SBNO1: variants seen among roughly 807,000 people sequenced by gnomAD.
SBNO1 encodes the protein strawberry notch homolog 1.
In SBNO1, 23 loss-of-function variants were observed where a neutral mutation model predicts 173.6. The ratio of observed to expected loss-of-function variants is 0.13; its 90% CI spans 0.10 to 0.19. The LOEUF is 0.19. SBNO1 is among the 10% of genes least tolerant of loss of function. The pLI is 1.00. For missense variants in SBNO1, 1,238 were observed against 1,671.2 expected (o/e 0.74, Z 4.52); for synonymous variants, 632 against 571.5 (o/e 1.11, Z -1.51).
chr12:123,306,173 T>G (rs1235540822), intron 28 of SBNO1, among the ~76,000 whole-genome samples: 1 of 152,204 alleles, frequency 6.6e-6, no homozygotes, highest in Non-Finnish European at 1.5e-5. Context: ...TATTTAAAAT[T>G]ATTTATCAGC....
At chr12:123,361,660 G>A (rs1488729472) in intron 1 of SBNO1, among the ~76,000 whole-genome samples, 2 of 150,694 alleles carry the variant, frequency 1.3e-5, no homozygotes, top group African/African-American at 4.9e-5. Flanking sequence ...CTTGAACCAA[G>A]GAGCGGGAGG....
intron 31 of SBNO1, among the ~76,000 whole-genome samples, chr12:123,296,577 T>C (rs1255820428): frequency 2.6e-5 from 4 of 151,946 alleles, no homozygotes; most frequent in Non-Finnish European, 4.4e-5. Flanking sequence ...GTTTTTTTTT[T>C]CTGAGATGGA....
chr12:123,339,487 A>G (rs1221244031), intron 5 of SBNO1, among the ~76,000 whole-genome samples: 1 of 152,060 alleles, frequency 6.6e-6, no homozygotes, highest in East Asian at 1.9e-4. Flanking sequence ...GTGCTAGACT[A>G]AGTCCAAAGT....
intron 1 of SBNO1, chr12:123,363,859 T>C: frequency 2.0e-6 from 2 of 985,576 alleles, no homozygotes; most frequent in Non-Finnish European, 2.4e-6. Flanking sequence ...AGGAGCTGGA[T>C]GCCAGGGTCA....
chr12:123,327,560 T>C lies in SBNO1; in HGVS notation c.1558A>G (p.Ile520Val). The C allele has an allele frequency of 3.1e-6, 5 of 1,613,840 alleles. No homozygotes were observed. Among genetic ancestry groups the C allele is most frequent in the Non-Finnish European group, 4.2e-6 (5 of 1,179,832 alleles). ...CTAAGCTTCATATCCATAGCAACTA[T>C]TTCCATGGCACCAACTCCTCTGAAT... ...VERRGVGAME[I>V]VAMDMKLRGM... The change falls in exon 13 of 32, where the codon ATA (isoleucine) becomes GTA (valine). Residue 520 changes from isoleucine (I) to valine (V), a missense_variant. Physicochemically the swap from Ile to Val is conservative, Grantham distance 29. Coordinates refer to ENST00000602398, the MANE Select transcript of SBNO1 (RefSeq NM_001167856.3).
intron 12 of SBNO1, 23 bp downstream of exon 12, chr12:123,327,684 G>GTA (rs1414343261): frequency 3.1e-6 from 5 of 1,589,030 alleles, no homozygotes; most frequent in Non-Finnish European, 4.3e-6. Flanking sequence ...ACTGAGAAGA[G>GTA]TATATACCGT....
intron 30 of SBNO1, among the ~76,000 whole-genome samples, chr12:123,300,517 C>T (rs1452407848): frequency 2.0e-5 from 3 of 151,826 alleles, no homozygotes; most frequent in South Asian, 2.1e-4. Flanking sequence ...ATTAGCCGGG[C>T]GTGGTTGGCG....
intron 1 of SBNO1, among the ~76,000 whole-genome samples, chr12:123,354,235 T>C (rs903782293): frequency 6.6e-6 from 1 of 152,196 alleles, no homozygotes; most frequent in Non-Finnish European, 1.5e-5. Context: ...CAATGTATAC[T>C]TGTATATACC....
At position 123,304,657 on chromosome 12, in the gene SBNO1, G is replaced by A; in HGVS notation, c.3693C>T (p.Phe1231=). The change falls in exon 29 of 32, where the codon TTC becomes TTT. Residue 1231 remains phenylalanine (F), a synonymous_variant. Coordinates refer to ENST00000602398, the MANE Select transcript of SBNO1 (RefSeq NM_001167856.3). ...TCCCAGTATTTGGTCGATAAACTAA[G>A]AAAAGTTTCTTTTTAGGATTCACTT... is the stretch of plus-strand genomic sequence containing the variant. ...VKEVNPKKKL[F]LVYRPNTGKQ... is the part of the protein sequence containing the mutation. 2 of 1,570,866 alleles carry A rather than the reference G, an allele frequency of 1.3e-6. No individual in the cohort carries two copies. Among genetic ancestry groups the A allele is most frequent in the Non-Finnish European group, 1.8e-6 (2 of 1,142,584 alleles).
In SBNO1 at chr12:123,313,209, T is replaced by G. The variant is rs1236111563; in HGVS notation, c.3220+411A>C. Among the ~76,000 whole-genome samples the G allele has an allele frequency of 5.1e-5, 5 of 97,562 alleles. No homozygotes were observed. In the East Asian group the frequency reaches 1.6e-3, roughly 31 times the overall value. The allele number at this position is 97,562 out of a possible 152,430, so 64.0% of individuals were successfully genotyped here. A position where few individuals can be genotyped will look rare whatever the true frequency, so the allele number is the denominator to read the frequency against. ...GAGCAAGACTCGGTCTTAAAATAAA[T>G]AAATAAATAAATAAATAAATAAATA... On this transcript the variant is annotated intron_variant, in intron 24 of 31. Transcript: ENST00000602398.
intron 18 of SBNO1, 25 bp downstream of exon 18, chr12:123,320,674 A>G (rs1869854228): frequency 6.3e-7 from 1 of 1,594,746 alleles, no homozygotes; most frequent in Non-Finnish European, 8.5e-7. Flanking sequence ...ACAGTATTTC[A>G]AAAAGGAAGT....
At chr12:123,341,296 G>C (rs1397888175) in intron 4 of SBNO1, among the ~76,000 whole-genome samples, 4 of 151,774 alleles carry the variant, frequency 2.6e-5, no homozygotes, top group Non-Finnish European at 4.4e-5. Context: ...TAAAAATACA[G>C]AAACAAGCTG....
chr12:123,310,199 T>C (rs572157752), intron 25 of SBNO1, among the ~76,000 whole-genome samples: 15 of 152,330 alleles, frequency 9.8e-5, no homozygotes, highest in African/African-American at 3.4e-4. Flanking sequence ...AAACTACCGA[T>C]GTCTGAGCTC....
In SBNO1 at chr12:123,292,508, C is replaced by A. The variant is rs954204900; in HGVS notation, c.*3400G>T. 1 of 152,088 alleles carries A rather than the reference C, an allele frequency of 6.6e-6. No homozygotes were observed. The highest frequency in any genetic ancestry group is 2.4e-5 in the African/African-American group (1 of 41,398). 9.4% of individuals were successfully genotyped at this position (152,088 alleles called of 1,614,324 possible). ...GTCCTGGTAGCCTTTCTTCTCTTGCCGGCTAACAATTGTTCTAACAGCATC... is the reference window on the plus strand; with the variant it reads ...GTCCTGGTAGCCTTTCTTCTCTTGCAGGCTAACAATTGTTCTAACAGCATC... On this transcript the variant is annotated 3_prime_UTR_variant, in exon 32 of 32. Coordinates refer to ENST00000602398, the MANE Select transcript of SBNO1 (RefSeq NM_001167856.3).
intron 9 of SBNO1, 135 bp from the exon 10 acceptor site, chr12:123,329,030 C>T (rs887177613): frequency 3.7e-6 from 2 of 534,354 alleles, no homozygotes; most frequent in South Asian, 6.5e-5. Flanking sequence ...AGTACAGAGA[C>T]GCAAATTTAT....
At chr12:123,313,002 A>T (rs1376914477) in intron 24 of SBNO1, among the ~76,000 whole-genome samples, 2 of 152,040 alleles carry the variant, frequency 1.3e-5, no homozygotes, top group South Asian at 2.1e-4. Flanking sequence ...CAGGAGATCG[A>T]GACCATCCTG....
intron 30 of SBNO1, among the ~76,000 whole-genome samples, chr12:123,302,304 G>A (rs898972177): frequency 6.7e-6 from 1 of 148,722 alleles, no homozygotes; most frequent in Non-Finnish European, 1.5e-5. Context: ...GTGCAATGGC[G>A]CAATTTTGAC....
At chr12:123,318,094 T>G (rs942759893) in intron 20 of SBNO1, among the ~76,000 whole-genome samples, 2 of 152,172 alleles carry the variant, frequency 1.3e-5, no homozygotes, top group African/African-American at 4.8e-5. Flanking sequence ...CCTCAGTAGC[T>G]GGGACTGTGG....
At chr12:123,331,150 G>C (rs899827348) in intron 8 of SBNO1, 92 bp downstream of exon 8, 1 of 1,289,024 alleles carries the variant, frequency 7.8e-7, no homozygotes, top group African/African-American at 1.5e-5. Context: ...TTTTAGTAGA[G>C]ACGGAGTTTC....
Sources: gnomAD v4.1 joint callset for allele counts (sites outside exome capture counted in the v4.1 genomes callset) on GRCh38, gnomAD v4.1.1 for gene constraint, MANE v1.5 for transcripts, NCBI Gene and HGNC (gene_info 2026-07-23, HGNC 2026-07-21) for gene names.